NRXN1: variants seen among roughly 807,000 people sequenced by gnomAD.
The protein encoded by NRXN1 is neurexin-1.
A neutral mutation model predicts 150.9 loss-of-function variants in NRXN1; 39 were observed. That is an observed-to-expected ratio of 0.26 (90% confidence interval 0.20 to 0.34). The LOEUF (loss-of-function observed/expected upper bound fraction) is 0.34, where lower values mean the gene tolerates loss of function less well. Ranked by LOEUF, NRXN1 falls within the 10% of genes least tolerant of loss-of-function variation. The probability of loss-of-function intolerance (pLI) is 1.00; values close to 1 mark genes in which losing one functional copy is unlikely to be tolerated. For synonymous variants in NRXN1, 924 were observed against 757.0 expected (o/e 1.22, Z -3.62); for missense variants, 1,815 against 1,949.9 (o/e 0.93, Z 1.30).
At chr2:50,364,444 T>C (rs969331976) in intron 17 of NRXN1, among the ~76,000 whole-genome samples, 3 of 152,140 alleles carry the variant, frequency 2.0e-5, no homozygotes, top group Admixed American at 6.6e-5. Flanking sequence ...GCATGTGTGA[T>C]CCCATTCCAG....
rs550218633 is a variant in NRXN1, at chr2:50,692,298, T to G, written c.833-68683A>C. On this transcript the variant is annotated intron_variant, in intron 5 of 22. Coordinates refer to ENST00000401669, the MANE Select transcript of NRXN1 (RefSeq NM_001330078.2). ...TTATGTCATCCTGTTTTGAGCATCA[T>G]TCCTTTTTTATTTTCTAGTGGTTTC... Among the ~76,000 whole-genome samples the G allele has an allele frequency of 2.0e-4, 31 of 152,322 alleles. 2 individuals are homozygous for G. The South Asian group carries it at 6.2e-3, about 31-fold the overall frequency.
intron 8 of NRXN1, among the ~76,000 whole-genome samples, chr2:50,563,949 T>C (rs954136396): frequency 1.3e-5 from 2 of 152,174 alleles, no homozygotes; most frequent in African/African-American, 2.4e-5. Flanking sequence ...AGACAGCCAA[T>C]GCTGATGATG....
At chr2:50,680,740 T>G (rs951295800) in intron 5 of NRXN1, among the ~76,000 whole-genome samples, 14 of 151,616 alleles carry the variant, frequency 9.2e-5, no homozygotes, top group African/African-American at 3.4e-4. Context: ...TGGATAACTT[T>G]AAGTAAAGCT....
chr2:50,442,617 C>T (rs1018263761), intron 17 of NRXN1, among the ~76,000 whole-genome samples: 3 of 152,032 alleles, frequency 2.0e-5, no homozygotes, highest in African/African-American at 7.2e-5. Context: ...TACAATTTTG[C>T]ATGCAAAAAT....
At chr2:50,730,545 A>C (rs191002776) in intron 5 of NRXN1, among the ~76,000 whole-genome samples, 1 of 152,258 alleles carries the variant, frequency 6.6e-6, no homozygotes, top group African/African-American at 2.4e-5. Flanking sequence ...TCAAAAAGAT[A>C]ACCAAAGACT....
intron 21 of NRXN1, among the ~76,000 whole-genome samples, chr2:49,967,616 C>A (rs1228473749): frequency 1.3e-5 from 2 of 151,976 alleles, no homozygotes; most frequent in Non-Finnish European, 2.9e-5. Context: ...CAATTTAAAC[C>A]TTCATATCTT....
chr2:50,020,283 T>C (rs1223839755), intron 21 of NRXN1, among the ~76,000 whole-genome samples: 1 of 152,156 alleles, frequency 6.6e-6, no homozygotes, highest in African/African-American at 2.4e-5. Context: ...TAAATGGTTT[T>C]ACTCTTTGTT....
chr2:50,234,054 G>A (rs2065198648), intron 18 of NRXN1, among the ~76,000 whole-genome samples: 1 of 150,672 alleles, frequency 6.6e-6, no homozygotes, highest in Admixed American at 6.6e-5. Context: ...TTGGCTTCCT[G>A]TCTGGTTTTC....
At chr2:50,475,367 T>A (rs1218555450) in intron 15 of NRXN1, among the ~76,000 whole-genome samples, 4 of 151,698 alleles carry the variant, frequency 2.6e-5, no homozygotes, top group Non-Finnish European at 5.9e-5. Context: ...TCAGCCACCT[T>A]ATGGATTGAG....
intron 13 of NRXN1, among the ~76,000 whole-genome samples, chr2:50,499,114 G>C (rs1277474306): frequency 6.6e-6 from 1 of 152,160 alleles, no homozygotes; most frequent in Non-Finnish European, 1.5e-5. Flanking sequence ...GGAAATATCT[G>C]TAAGTAAAAT....
chr2:50,139,731 T>G (rs771986010), intron 18 of NRXN1, among the ~76,000 whole-genome samples: 6 of 152,148 alleles, frequency 3.9e-5, no homozygotes, highest in Non-Finnish European at 8.8e-5. Context: ...AATGTTAAAT[T>G]TTCTTCTTAC....
At chr2:50,845,865 AAAAC>A (rs1673571515) in intron 5 of NRXN1, among the ~76,000 whole-genome samples, 1 of 152,228 alleles carries the variant, frequency 6.6e-6, no homozygotes, top group African/African-American at 2.4e-5. Context: ...TGAGGGAAAA[AAAAC>A]CAGAAAATTT....
intron 17 of NRXN1, among the ~76,000 whole-genome samples, chr2:50,315,553 C>G (rs1179233977): frequency 1.3e-5 from 2 of 152,096 alleles, no homozygotes; most frequent in Non-Finnish European, 1.5e-5. Flanking sequence ...GCACTTCTCT[C>G]CCAGCCCACA....
intron 21 of NRXN1, among the ~76,000 whole-genome samples, chr2:49,968,880 T>C (rs144746110): frequency 3.3e-5 from 5 of 152,118 alleles, no homozygotes; most frequent in Non-Finnish European, 5.9e-5. Context: ...AATTGAACTT[T>C]TAAGGCAGCA....
intron 2 of NRXN1, among the ~76,000 whole-genome samples, chr2:50,956,138 G>C (rs1350830330): frequency 2.0e-5 from 3 of 151,876 alleles, no homozygotes; most frequent in Admixed American, 2.0e-4. Flanking sequence ...TGTTACCAGA[G>C]GTACACAACA....
At chr2:51,013,937 C>A (rs1668280330) in intron 2 of NRXN1, among the ~76,000 whole-genome samples, 2 of 152,018 alleles carry the variant, frequency 1.3e-5, no homozygotes, top group African/African-American at 4.8e-5. Context: ...CTTACAAATG[C>A]AATGCTATCA....
At chr2:50,627,792 C>A (rs537332781) in intron 5 of NRXN1, among the ~76,000 whole-genome samples, 1 of 151,554 alleles carries the variant, frequency 6.6e-6, no homozygotes, top group Non-Finnish European at 1.5e-5. Context: ...GTTTATATGA[C>A]CCTCAAATTC....
chr2:50,868,775 C>T (rs1274633094), intron 5 of NRXN1, among the ~76,000 whole-genome samples: 1 of 151,738 alleles, frequency 6.6e-6, no homozygotes, highest in Non-Finnish European at 1.5e-5. Flanking sequence ...TTCTCTTCTC[C>T]TAATGGTCAT....
intron 3 of NRXN1, among the ~76,000 whole-genome samples, chr2:50,923,148 A>C (rs1244564358): frequency 6.6e-6 from 1 of 151,836 alleles, no homozygotes; most frequent in African/African-American, 2.4e-5. Flanking sequence ...TGAGCATTTT[A>C]TAATTAAATG....
Sources: gnomAD v4.1 joint callset for allele counts (sites outside exome capture counted in the v4.1 genomes callset) on GRCh38, gnomAD v4.1.1 for gene constraint, MANE v1.5 for transcripts, NCBI Gene and HGNC (gene_info 2026-07-23, HGNC 2026-07-21) for gene names.